Variants in LRTM3 observed in about 807,000 individuals in gnomAD.
LRTM3 encodes leucine-rich repeat transmembrane protein 3.
the LRTM3 span, chr13:102,740,824 T>G: frequency 6.5e-7 from 1 of 1,549,728 alleles, no homozygotes; most frequent in East Asian, 2.4e-5. Flanking sequence ...AACTATTGAT[T>G]GCCTTTAATG....
At chr13:102,742,543 C>T in the LRTM3 span, 1 of 1,550,582 alleles carries the variant, frequency 6.4e-7, no homozygotes, top group Non-Finnish European at 8.7e-7. Flanking sequence ...CTGGATTAAA[C>T]TCTTCTGCAA....
At chr13:102,736,638 T>C in the LRTM3 span, 1 of 1,550,986 alleles carries the variant, frequency 6.4e-7, no homozygotes, top group East Asian at 2.4e-5. Context: ...AGTACAACTA[T>C]TTCCACCTCA....
chr13:102,735,790 T>C, the LRTM3 span: 2 of 1,542,638 alleles, frequency 1.3e-6, no homozygotes, highest in African/African-American at 2.8e-5. Context: ...AACTGAATTG[T>C]GTTTTTCCTA....
the LRTM3 span, chr13:102,747,417 T>C: frequency 6.5e-7 from 1 of 1,548,736 alleles, no homozygotes; most frequent in African/African-American, 1.4e-5. Context: ...GCTGGCTTCT[T>C]TACTTTCATA....
At chr13:102,756,630 T>G in the LRTM3 span, among the ~76,000 whole-genome samples, 1 of 132,654 alleles carries the variant, frequency 7.5e-6, no homozygotes, top group Non-Finnish European at 1.5e-5. Context: ...GCTGAGGTCA[T>G]GCCATTGCTC....
the LRTM3 span, among the ~76,000 whole-genome samples, chr13:102,757,552 ACTCTGAAATAATAGTAATTT>A: frequency 6.6e-6 from 1 of 152,052 alleles, no homozygotes; most frequent in African/African-American, 2.4e-5. Flanking sequence ...CATTCCAGCA[ACTCTGAAATAATAGTAATTT>A]CTTGCACATT....
chr13:102,758,384 A>C, the LRTM3 span: 8 of 1,477,472 alleles, frequency 5.4e-6, no homozygotes, highest in Non-Finnish European at 7.3e-6. Flanking sequence ...TTTAGCTTCA[A>C]AATATTTTTG....
At chr13:102,748,862 T>G in the LRTM3 span, 2 of 1,550,496 alleles carry the variant, frequency 1.3e-6, no homozygotes, top group Non-Finnish European at 1.7e-6. Context: ...TCTTTTGTTT[T>G]CTTTGTCATA....
chr13:102,745,079 T>C, the LRTM3 span: 1 of 1,550,786 alleles, frequency 6.4e-7, no homozygotes, highest in Non-Finnish European at 8.7e-7. Context: ...TTGTATTGGC[T>C]CTGCAGGCTG....
At chr13:102,738,781 A>T in the LRTM3 span, 7 of 1,550,356 alleles carry the variant, frequency 4.5e-6, no homozygotes, top group Non-Finnish European at 6.1e-6. Flanking sequence ...TGGAAGCAAA[A>T]GGTTTGCTCC....
At chr13:102,734,358 C>A in the LRTM3 span, 1 of 1,551,374 alleles carries the variant, frequency 6.4e-7, no homozygotes. Flanking sequence ...TCTTCATCTG[C>A]ATGCGTAGCT....
the LRTM3 span, chr13:102,733,342 T>C: frequency 1.3e-6 from 2 of 1,551,236 alleles, no homozygotes; most frequent in Admixed American, 3.9e-5. Flanking sequence ...TTTGTCCATC[T>C]TCCTTTGGCT....
chr13:102,753,976 C>T, the LRTM3 span, among the ~76,000 whole-genome samples: 1 of 151,982 alleles, frequency 6.6e-6, no homozygotes, highest in Non-Finnish European at 1.5e-5. Flanking sequence ...TCTGGGAGGC[C>T]GAAGCAGGTG....
chr13:102,742,434 C>G, the LRTM3 span: 1 of 1,547,642 alleles, frequency 6.5e-7, no homozygotes, highest in Middle Eastern at 1.7e-4. Flanking sequence ...TTTGGCAGGG[C>G]AAATGTCTTG....
At chr13:102,754,141 G>T in the LRTM3 span, among the ~76,000 whole-genome samples, 2 of 147,292 alleles carry the variant, frequency 1.4e-5, no homozygotes, top group Admixed American at 6.8e-5. Flanking sequence ...GGAGATGAAG[G>T]TTGCAGTGAG....
At chr13:102,744,211 C>T in the LRTM3 span, 1 of 1,550,438 alleles carries the variant, frequency 6.4e-7, no homozygotes, top group Non-Finnish European at 8.7e-7. Flanking sequence ...TTCGTAGTTG[C>T]TTTGCCTTCA....
chr13:102,730,928 T>C, the LRTM3 span: 1 of 1,551,380 alleles, frequency 6.4e-7, no homozygotes, highest in Non-Finnish European at 8.7e-7. Context: ...GAAACCAGGA[T>C]GAATACAGTT....
chr13:102,752,935 T>A, the LRTM3 span, among the ~76,000 whole-genome samples: 3 of 152,314 alleles, frequency 2.0e-5, no homozygotes, highest in Non-Finnish European at 2.9e-5. Context: ...TAATCCAATA[T>A]GACTGGTGCC....
the LRTM3 span, chr13:102,733,392 T>C: frequency 1.3e-6 from 2 of 1,551,320 alleles, no homozygotes; most frequent in Non-Finnish European, 1.7e-6. Flanking sequence ...GGAGATACTT[T>C]CGATGAAGTT....
Sources: gnomAD v4.1 joint callset for allele counts (sites outside exome capture counted in the v4.1 genomes callset) on GRCh38, gnomAD v4.1.1 for gene constraint, MANE v1.5 for transcripts, NCBI Gene and HGNC (gene_info 2026-07-23, HGNC 2026-07-21) for gene names.